RBFOX1: variants seen among roughly 807,000 people sequenced by gnomAD.
The protein encoded by RBFOX1 is RNA binding protein fox-1 homolog 1.
Under a neutral mutation model 57.7 loss-of-function variants are expected in RBFOX1, and 8 were observed. The ratio of observed to expected loss-of-function variants is 0.14; its 90% CI spans 0.08 to 0.25. RBFOX1 has a LOEUF of 0.25. Among genes scored for constraint, RBFOX1 ranks in the 10% least tolerant of loss-of-function variants. The pLI, the probability that RBFOX1 is intolerant of heterozygous loss-of-function variation, is 1.00. For missense variants in RBFOX1, 611 were observed against 548.5 expected (o/e 1.11, Z -1.14); for synonymous variants, 326 against 222.4 (o/e 1.47, Z -4.15).
At position 6,360,705 on chromosome 16, in the gene RBFOX1, C is replaced by T. The variant is rs146230505; in HGVS notation, c.-64+43648C>T. Among the ~76,000 whole-genome samples the T allele has an allele frequency of 4.6e-5, 7 of 152,246 alleles. No individual in the cohort carries two copies. In the East Asian group the frequency reaches 1.2e-3, roughly 25 times the overall value. On this transcript the variant is annotated intron_variant, in intron 2 of 15. Transcript: ENST00000550418. ...TAATCATCACAGAAATTCATTGACC[C>T]ATCTTATGTTTTGCGAATGTATGCT...
At chr16:7,213,487 T>G (rs1002137893) in intron 4 of RBFOX1, among the ~76,000 whole-genome samples, 6 of 152,134 alleles carry the variant, frequency 3.9e-5, no homozygotes, top group Non-Finnish European at 7.4e-5. Flanking sequence ...GTTCCAAGTT[T>G]TCATGAATGA....
Position 7,149,010 on chromosome 16 carries a change from A to T in RBFOX1, c.27+96912A>T, listed in dbSNP as rs192530021. 9.2e-5 allele frequency among the ~76,000 whole-genome samples: 14 copies of T among 152,310 alleles called. No homozygotes were observed. The East Asian group carries it at 2.7e-3, about 29-fold the overall frequency. ...ATTTTGCTTCTTTCCTGGCTTAGAG[A>T]ATGCGTCAAGGGAAGGGGCCTTCTG... On this transcript the variant is annotated intron_variant, in intron 4 of 15. Transcript: ENST00000550418.
intron 2 of RBFOX1, among the ~76,000 whole-genome samples, chr16:5,576,648 A>G (rs1339065302): frequency 2.6e-5 from 4 of 152,212 alleles, no homozygotes; most frequent in African/African-American, 9.6e-5. Context: ...TTTTGGAGGT[A>G]TGGCAGGAAT....
At chr16:6,658,889 G>A (rs974290795) in intron 3 of RBFOX1, among the ~76,000 whole-genome samples, 11 of 151,538 alleles carry the variant, frequency 7.3e-5, no homozygotes, top group African/African-American at 1.9e-4. Flanking sequence ...CCCTTTAATA[G>A]GAAGCAGGAG....
chr16:6,952,748 C>T (rs116449309), intron 3 of RBFOX1, among the ~76,000 whole-genome samples: 2,048 of 152,124 alleles, frequency 0.013, 58 homozygotes, highest in African/African-American at 0.047. Flanking sequence ...GAATCTGAAG[C>T]GGGCGGATCA....
At chr16:6,810,276 A>T (rs2088135274) in intron 3 of RBFOX1, among the ~76,000 whole-genome samples, 1 of 152,058 alleles carries the variant, frequency 6.6e-6, no homozygotes, top group Admixed American at 6.6e-5. Context: ...TGTGATTCAA[A>T]TTGGTCTGTC....
intron 3 of RBFOX1, among the ~76,000 whole-genome samples, chr16:6,892,616 G>C (rs1330085888): frequency 6.6e-6 from 1 of 152,154 alleles, no homozygotes; most frequent in Non-Finnish European, 1.5e-5. Flanking sequence ...GTTGCAGTAA[G>C]GCAAGATTGC....
chr16:6,395,855 C>G (rs889616953), intron 2 of RBFOX1, among the ~76,000 whole-genome samples: 5 of 151,924 alleles, frequency 3.3e-5, no homozygotes, highest in African/African-American at 9.7e-5. Flanking sequence ...TGCCTGAGCT[C>G]AGGAGTTCAT....
chr16:6,268,330 C>T lies in RBFOX1; in HGVS notation c.-126-48665C>T, dbSNP rs1010918592. Among the ~76,000 whole-genome samples, 3 of 152,176 alleles carry T rather than the reference C, an allele frequency of 2.0e-5. No individual in the cohort carries two copies. The South Asian group carries it at 6.2e-4, about 32-fold the overall frequency. ...AGGAGAACTCCCGTGATGACCTCTG[C>T]TCCCATCACCCTAATCATCGCCTTC... On this transcript the variant is annotated intron_variant, in intron 1 of 15. Transcript: ENST00000550418.
At chr16:7,288,440 G>A (rs2095693590) in intron 4 of RBFOX1, among the ~76,000 whole-genome samples, 1 of 152,218 alleles carries the variant, frequency 6.6e-6, no homozygotes, top group South Asian at 2.1e-4. Flanking sequence ...AATGGGAGGA[G>A]TCACATCACC....
chr16:7,144,260 G>A (rs78365873), intron 4 of RBFOX1, among the ~76,000 whole-genome samples: 1 of 151,956 alleles, frequency 6.6e-6, no homozygotes, highest in African/African-American at 2.4e-5. Flanking sequence ...TTTAATGAAA[G>A]CAAAGAACTT....
chr16:5,834,051 C>G (rs2056372345), intron 3 of RBFOX1, among the ~76,000 whole-genome samples: 1 of 152,202 alleles, frequency 6.6e-6, no homozygotes. Context: ...GGCCTGGCAC[C>G]AAACCACTGC....
At chr16:5,521,640 A>T (rs1434099622) in intron 2 of RBFOX1, among the ~76,000 whole-genome samples, 1 of 147,738 alleles carries the variant, frequency 6.8e-6, no homozygotes, top group African/African-American at 2.6e-5. Flanking sequence ...GCCATCATGG[A>T]CAAGAAACTT....
At chr16:7,084,841 G>T (rs945150725) in intron 4 of RBFOX1, among the ~76,000 whole-genome samples, 1 of 151,996 alleles carries the variant, frequency 6.6e-6, no homozygotes, top group Admixed American at 6.6e-5. Context: ...AATCTTGTCT[G>T]TCTGTCTGTC....
chr16:6,768,740 C>CTT (rs536608931), intron 3 of RBFOX1, among the ~76,000 whole-genome samples: 2 of 139,570 alleles, frequency 1.4e-5, no homozygotes, highest in African/African-American at 5.3e-5. Flanking sequence ...TATTATTTTT[C>CTT]TTTTTTTTTT....
At chr16:6,203,576 A>T (rs1329626519) in intron 1 of RBFOX1, among the ~76,000 whole-genome samples, 1 of 152,128 alleles carries the variant, frequency 6.6e-6, no homozygotes, top group Non-Finnish European at 1.5e-5. Context: ...GGAGATTCTG[A>T]CTTCAGTTCC....
intron 4 of RBFOX1, among the ~76,000 whole-genome samples, chr16:7,222,900 C>T (rs568642537): frequency 1.3e-5 from 2 of 152,126 alleles, no homozygotes; most frequent in East Asian, 3.9e-4. Context: ...GAAGTTCACT[C>T]ACTACATTTT....
chr16:6,906,929 G>C (rs1262702978), intron 3 of RBFOX1, among the ~76,000 whole-genome samples: 3 of 151,966 alleles, frequency 2.0e-5, no homozygotes, highest in African/African-American at 7.3e-5. Context: ...TCACCATGTT[G>C]GCCAGGCTGG....
intron 3 of RBFOX1, among the ~76,000 whole-genome samples, chr16:6,767,932 TAATAATAATAATAATAAGAAG>T (rs1276330047): frequency 3.6e-4 from 34 of 94,876 alleles, no homozygotes; most frequent in Non-Finnish European, 4.6e-4. Context: ...ATAATAATAA[TAATAATAATAATAATAAGAAG>T]AAGAAGAAGA....
Sources: gnomAD v4.1 joint callset for allele counts (sites outside exome capture counted in the v4.1 genomes callset) on GRCh38, gnomAD v4.1.1 for gene constraint, MANE v1.5 for transcripts, NCBI Gene and HGNC (gene_info 2026-07-23, HGNC 2026-07-21) for gene names.